Variants in KCNIP4 observed in about 807,000 individuals in gnomAD.
The protein encoded by KCNIP4 is potassium voltage-gated channel interacting protein 4.
A neutral mutation model predicts 34.0 loss-of-function variants in KCNIP4; 12 were observed. The ratio of observed to expected loss-of-function variants is 0.35; its 90% CI spans 0.23 to 0.57. The LOEUF (loss-of-function observed/expected upper bound fraction) is 0.57. Ranked by LOEUF, KCNIP4 falls within the 20% of genes least tolerant of loss-of-function variation. The pLI, the probability that KCNIP4 is intolerant of heterozygous loss-of-function variation, is 0.83. For missense variants in KCNIP4, 238 were observed against 311.7 expected, an observed-to-expected ratio of 0.76 and a Z score of 1.78; for synonymous variants, 124 against 102.2, an observed-to-expected ratio of 1.21 and a Z score of -1.29.
chr4:21,629,298 AG>A (rs1745548720), intron 1 of KCNIP4, among the ~76,000 whole-genome samples: 1 of 152,238 alleles, frequency 6.6e-6, no homozygotes, highest in South Asian at 2.1e-4. Flanking sequence ...ATCAATGATC[AG>A]CTTCATCAGA....
At chr4:20,903,296 T>G (rs913823877) in intron 1 of KCNIP4, among the ~76,000 whole-genome samples, 7 of 152,170 alleles carry the variant, frequency 4.6e-5, no homozygotes. Context: ...TCTGTAGAAA[T>G]GTTTATTTTG....
At chr4:21,353,199 C>A (rs1391198520) in intron 1 of KCNIP4, among the ~76,000 whole-genome samples, 2 of 152,190 alleles carry the variant, frequency 1.3e-5, no homozygotes, top group Non-Finnish European at 2.9e-5. Flanking sequence ...GAAACCAGAG[C>A]AGAAAAGCTG....
In KCNIP4 at chr4:21,715,426, A is replaced by C. The variant is rs186310423; in HGVS notation, c.61+233145T>G. Reference sequence around the variant, plus strand: ...ATTACAGGTGTGAGCCACCGCGCCCAGCCTGATGTATTTTATTTTACACAA... The same window carrying C: ...ATTACAGGTGTGAGCCACCGCGCCCCGCCTGATGTATTTTATTTTACACAA... On this transcript the variant is annotated intron_variant, in intron 1 of 8. Transcript: ENST00000382152. Among the ~76,000 whole-genome samples, 10 of 152,098 alleles carry C rather than the reference A, an allele frequency of 6.6e-5. No homozygotes were observed. The South Asian group carries it at 1.0e-3, about 16-fold the overall frequency.
chr4:20,797,874 C>T (rs1015431412), intron 3 of KCNIP4, among the ~76,000 whole-genome samples: 13 of 152,124 alleles, frequency 8.5e-5, no homozygotes, highest in Admixed American at 5.2e-4. Flanking sequence ...CTCAGCTTTG[C>T]CTATACCTGG....
chr4:21,759,179 A>C, intron 1 of KCNIP4, among the ~76,000 whole-genome samples: 1 of 152,206 alleles, frequency 6.6e-6, no homozygotes, highest in Non-Finnish European at 1.5e-5. Flanking sequence ...TAGAACAATT[A>C]TGTGAACCAT....
intron 1 of KCNIP4, among the ~76,000 whole-genome samples, chr4:21,293,569 CA>C (rs919926164): frequency 4.6e-5 from 7 of 152,170 alleles, no homozygotes; most frequent in African/African-American, 1.7e-4. Flanking sequence ...GGCAGAGAGA[CA>C]GGGGGACCCC....
chr4:21,026,660 A>G (rs1438031415), intron 1 of KCNIP4, among the ~76,000 whole-genome samples: 2 of 152,204 alleles, frequency 1.3e-5, no homozygotes, highest in Non-Finnish European at 2.9e-5. Context: ...GTCTCAAAAA[A>G]TAAAAATAAA....
In KCNIP4 at chr4:21,590,385, C is replaced by T. The variant is rs181614636; in HGVS notation, c.61+358186G>A. 1.6e-3 allele frequency among the ~76,000 whole-genome samples: 238 copies of T among 151,956 alleles called. 1 individual carries two copies. The highest frequency in any genetic ancestry group is 6.2e-4 in the Non-Finnish European group (42 of 67,900). On this transcript the variant is annotated intron_variant, in intron 1 of 8. Coordinates refer to ENST00000382152, the MANE Select transcript of KCNIP4 (RefSeq NM_025221.6). ...GTCTGGGGAAAAATAGATTGCAGGG[C>T]CCCTTGTTTAAAGAGTATGAATAAT...
chr4:21,834,347 G>T (rs1033407097), intron 1 of KCNIP4, among the ~76,000 whole-genome samples: 28 of 151,902 alleles, frequency 1.8e-4, no homozygotes, highest in African/African-American at 4.4e-4. Context: ...TTATTCTCTT[G>T]GAAGCAATTG....
chr4:21,140,645 G>A (rs771932048), intron 1 of KCNIP4, among the ~76,000 whole-genome samples: 2 of 152,068 alleles, frequency 1.3e-5, no homozygotes, highest in African/African-American at 4.8e-5. Context: ...AATGAATCAA[G>A]TCCAAACACT....
At chr4:21,049,516 T>C (rs935504337) in intron 1 of KCNIP4, among the ~76,000 whole-genome samples, 1 of 152,192 alleles carries the variant, frequency 6.6e-6, no homozygotes, top group Non-Finnish European at 1.5e-5. Context: ...AGGCTCAATG[T>C]TTTTAAAAGA....
rs557711606 is a variant in KCNIP4, at chr4:21,224,333, A to G, written c.62-341624T>C. On this transcript the variant is annotated intron_variant, in intron 1 of 8. Coordinates refer to ENST00000382152, the MANE Select transcript of KCNIP4 (RefSeq NM_025221.6). The stretch of plus-strand genomic sequence containing the variant: ...GCCATCTTCTTGCAGAGAGGAAGAG[A>G]GAGCAATCCTGTGTTTCTTCTTTTT... Among the ~76,000 whole-genome samples, 139 of 152,070 alleles carry G rather than the reference A, an allele frequency of 9.1e-4. 1 individual carries two copies. The highest frequency in any genetic ancestry group is 2.7e-3 in the African/African-American group (113 of 41,484).
At chr4:21,622,450 T>G (rs945413419) in intron 1 of KCNIP4, among the ~76,000 whole-genome samples, 7 of 152,194 alleles carry the variant, frequency 4.6e-5, no homozygotes, top group African/African-American at 1.7e-4. Flanking sequence ...TTGCAAAATC[T>G]CTTATTCCCC....
chr4:20,834,384 A>G (rs1718794374), intron 3 of KCNIP4, among the ~76,000 whole-genome samples: 1 of 152,218 alleles, frequency 6.6e-6, no homozygotes, highest in Non-Finnish European at 1.5e-5. Context: ...GGTAAGCCAG[A>G]CAGCAGCAAC....
At chr4:21,499,639 T>C (rs1733143837) in intron 1 of KCNIP4, among the ~76,000 whole-genome samples, 1 of 152,056 alleles carries the variant, frequency 6.6e-6, no homozygotes, top group Non-Finnish European at 1.5e-5. Context: ...AAGTAGAAAA[T>C]AATTTGGATG....
chr4:21,747,582 T>C (rs911580191), intron 1 of KCNIP4, among the ~76,000 whole-genome samples: 1 of 152,156 alleles, frequency 6.6e-6, no homozygotes, highest in African/African-American at 2.4e-5. Flanking sequence ...GTACACTCAA[T>C]CTTGGAGTTT....
rs528596318 is a variant in KCNIP4 at position 21,804,142 on chromosome 4, CTGAAA to C, written c.61+144424_61+144428del. 9.2e-5 allele frequency among the ~76,000 whole-genome samples: 14 copies of C among 152,342 alleles called. No homozygotes were observed. The South Asian group carries it at 2.9e-3, about 32-fold the overall frequency. On this transcript the variant is annotated intron_variant, in intron 1 of 8. Coordinates refer to ENST00000382152, the MANE Select transcript of KCNIP4 (RefSeq NM_025221.6). ...GTGAATTGGATTTTTCTGTTGAATG[CTGAAA>C]AGCAAGGCCAATTCTATGACTGGGT...
At chr4:21,272,738 T>C (rs1762225088) in intron 1 of KCNIP4, among the ~76,000 whole-genome samples, 1 of 152,216 alleles carries the variant, frequency 6.6e-6, no homozygotes, top group Non-Finnish European at 1.5e-5. Flanking sequence ...TTCATTTTAA[T>C]GCTATTATTT....
At chr4:21,246,576 C>A (rs1010797783) in intron 1 of KCNIP4, among the ~76,000 whole-genome samples, 5 of 152,084 alleles carry the variant, frequency 3.3e-5, no homozygotes, top group Non-Finnish European at 7.4e-5. Flanking sequence ...GCTATTTTTG[C>A]ATTTTTTTCC....
Sources: allele counts gnomAD v4.1 joint callset (sites outside exome capture counted in the v4.1 genomes callset), GRCh38; gene constraint gnomAD v4.1.1; transcripts MANE v1.5; gene names NCBI Gene and HGNC (gene_info 2026-07-23, HGNC 2026-07-21).